Variants in CHSY3 observed in about 807,000 individuals in gnomAD.
CHSY3 encodes chondroitin sulfate synthase 3, also known as N-acetylgalactosaminyl-proteoglycan 3-beta-glucuronosyltransferase 3.
A neutral mutation model predicts 67.2 loss-of-function variants in CHSY3; 35 were observed. The observed-to-expected ratio is 0.52, with a 90% CI of 0.40 to 0.69. The LOEUF (loss-of-function observed/expected upper bound fraction) is 0.69. Ranked by LOEUF, CHSY3 falls within the 30% of genes least tolerant of loss-of-function variation. The probability of loss-of-function intolerance (pLI) is 0.00; values close to 1 mark genes in which losing one functional copy is unlikely to be tolerated. For missense variants in CHSY3, 1,069 were observed against 1,138.5 expected, an observed-to-expected ratio of 0.94 and a Z score of 0.88; for synonymous variants, 474 against 434.7, an observed-to-expected ratio of 1.09 and a Z score of -1.12.
intron 2 of CHSY3, among the ~76,000 whole-genome samples, chr5:130,052,451 A>AAT (rs1244782986): frequency 6.6e-6 from 1 of 152,186 alleles, no homozygotes; most frequent in Non-Finnish European, 1.5e-5. Context: ...ATTATCCATA[A>AAT]AGATATTGAT....
At chr5:130,071,722 A>T (rs894464895) in intron 2 of CHSY3, among the ~76,000 whole-genome samples, 2 of 152,104 alleles carry the variant, frequency 1.3e-5, no homozygotes, top group African/African-American at 2.4e-5. Context: ...TATTTTGGAT[A>T]TATACTCAGA....
At chr5:129,924,643 TAAAA>T (rs34873764) in intron 2 of CHSY3, among the ~76,000 whole-genome samples, 2 of 136,846 alleles carry the variant, frequency 1.5e-5, no homozygotes, top group Non-Finnish European at 1.6e-5. Flanking sequence ...AGACTCCCTC[TAAAA>T]AAAAAAAAAA....
intron 2 of CHSY3, among the ~76,000 whole-genome samples, chr5:130,043,206 T>A (rs1288747326): frequency 1.3e-5 from 2 of 152,030 alleles, no homozygotes; most frequent in Non-Finnish European, 2.9e-5. Flanking sequence ...TTGTTTTTTT[T>A]ACTGTGCTAA....
intron 2 of CHSY3, among the ~76,000 whole-genome samples, chr5:130,101,562 C>T (rs1484228025): frequency 2.0e-5 from 3 of 151,890 alleles, no homozygotes; most frequent in Non-Finnish European, 4.4e-5. Context: ...GTTATCATAC[C>T]CATTACCTCA....
intron 2 of CHSY3, among the ~76,000 whole-genome samples, chr5:130,143,798 A>ATGTG (rs1384663917): frequency 3.4e-5 from 3 of 89,246 alleles, no homozygotes; most frequent in African/African-American, 1.0e-4. Flanking sequence ...ATATATATAT[A>ATGTG]TATATATGTG....
intron 2 of CHSY3, among the ~76,000 whole-genome samples, chr5:130,128,906 ATGTGTATGT>A (rs1338878083): frequency 6.6e-6 from 1 of 151,680 alleles, no homozygotes; most frequent in Non-Finnish European, 1.5e-5. Flanking sequence ...GATCATGGGC[ATGTGTATGT>A]TGACAAAAAT....
intron 2 of CHSY3, among the ~76,000 whole-genome samples, chr5:129,933,808 A>G (rs1396253436): frequency 6.6e-6 from 1 of 152,202 alleles, no homozygotes; most frequent in South Asian, 2.1e-4. Context: ...AAATTATTTC[A>G]TATAATTCTA....
At chr5:129,930,887 C>T (rs1761286102) in intron 2 of CHSY3, among the ~76,000 whole-genome samples, 2 of 152,126 alleles carry the variant, frequency 1.3e-5, no homozygotes, top group Non-Finnish European at 1.5e-5. Context: ...TCTGGGAACA[C>T]GTAGGTAACT....
At chr5:130,117,153 G>A (rs1767836173) in intron 2 of CHSY3, among the ~76,000 whole-genome samples, 1 of 152,132 alleles carries the variant, frequency 6.6e-6, no homozygotes, top group South Asian at 2.1e-4. Flanking sequence ...CCTGTATTTG[G>A]ACCAGCAGGG....
At chr5:129,991,690 T>A (rs1323458522) in intron 2 of CHSY3, among the ~76,000 whole-genome samples, 1 of 151,976 alleles carries the variant, frequency 6.6e-6, no homozygotes, top group Non-Finnish European at 1.5e-5. Flanking sequence ...AGTGCCTTAA[T>A]AGCAGCATAG....
intron 2 of CHSY3, among the ~76,000 whole-genome samples, chr5:129,922,600 T>C (rs959753052): frequency 2.0e-5 from 3 of 152,226 alleles, no homozygotes; most frequent in Admixed American, 2.0e-4. Context: ...GTCTAACTTT[T>C]TTTTTTCATG....
intron 2 of CHSY3, among the ~76,000 whole-genome samples, chr5:130,093,742 G>A (rs565779611): frequency 1.1e-3 from 171 of 152,118 alleles, no homozygotes; most frequent in Middle Eastern, 3.4e-3. Context: ...CAAGAACACA[G>A]CATCTTCTTA....
At chr5:130,020,846 A>G (rs1192601216) in intron 2 of CHSY3, among the ~76,000 whole-genome samples, 1 of 152,118 alleles carries the variant, frequency 6.6e-6, no homozygotes, top group Non-Finnish European at 1.5e-5. Flanking sequence ...ATCTGGGCTC[A>G]TGCTTGTCCT....
chr5:130,057,819 C>T (rs1012470803), intron 2 of CHSY3, among the ~76,000 whole-genome samples: 1 of 152,156 alleles, frequency 6.6e-6, no homozygotes, highest in African/African-American at 2.4e-5. Context: ...CATTCATGCT[C>T]AGTTCTCAGA....
At chr5:130,173,199 G>C (rs1769945311) in intron 2 of CHSY3, among the ~76,000 whole-genome samples, 1 of 151,924 alleles carries the variant, frequency 6.6e-6, no homozygotes, top group African/African-American at 2.4e-5. Flanking sequence ...TTTCAACACT[G>C]CTACTAATAC....
intron 2 of CHSY3, among the ~76,000 whole-genome samples, chr5:130,028,418 C>G (rs1440224765): frequency 6.6e-6 from 1 of 152,094 alleles, no homozygotes; most frequent in African/African-American, 2.4e-5. Flanking sequence ...AAAGGATTCC[C>G]TATTTAATAA....
Position 130,134,844 on chromosome 5 carries a change from C to A in CHSY3, c.1087-49385C>A, listed in dbSNP as rs534470639. ...TTGCACTCTCACGTTTTACTTCCCA[C>A]CCCCCCCAATTTTTATGCTTCATAT... On this transcript the variant is annotated intron_variant, in intron 2 of 2. Coordinates refer to ENST00000305031, the MANE Select transcript of CHSY3 (RefSeq NM_175856.5). Among the ~76,000 whole-genome samples, 238 of 119,350 alleles carry A rather than the reference C, an allele frequency of 2.0e-3. 5 individuals are homozygous for A. The highest frequency in any genetic ancestry group is 8.3e-3 in the African/African-American group (228 of 27,588). 78.3% of individuals were successfully genotyped at this position (119,350 alleles called of 152,430 possible).
intron 2 of CHSY3, among the ~76,000 whole-genome samples, chr5:130,055,009 G>A (rs189273306): frequency 6.6e-6 from 1 of 152,246 alleles, no homozygotes; most frequent in East Asian, 1.9e-4. Context: ...CCAAGTGTAT[G>A]TATGGAGGTG....
intron 2 of CHSY3, among the ~76,000 whole-genome samples, chr5:130,086,636 C>T (rs996396180): frequency 2.6e-5 from 4 of 151,994 alleles, no homozygotes; most frequent in Admixed American, 2.0e-4. Flanking sequence ...ATAAATTCCT[C>T]GACACATACA....
Sources: allele counts gnomAD v4.1 joint callset (sites outside exome capture counted in the v4.1 genomes callset), GRCh38; gene constraint gnomAD v4.1.1; transcripts MANE v1.5; gene names NCBI Gene and HGNC (gene_info 2026-07-23, HGNC 2026-07-21).